C3orf18: variants seen among roughly 807,000 people sequenced by gnomAD.
C3orf18 encodes uncharacterized protein C3orf18.
C3orf18 carries 12 observed loss-of-function variants against 14.1 expected under a neutral mutation model. The ratio of observed to expected loss-of-function variants is 0.85; its 90% CI spans 0.55 to 1.38. The LOEUF (loss-of-function observed/expected upper bound fraction) is 1.38. Ranked by LOEUF, C3orf18 falls within the 40% of genes most tolerant of loss-of-function variation. C3orf18 has a pLI of 0.00. For synonymous variants in C3orf18, 82 were observed against 87.9 expected, an observed-to-expected ratio of 0.93 and a Z score of 0.38; for missense variants, 196 against 213.9, an observed-to-expected ratio of 0.92 and a Z score of 0.52.
In C3orf18 at chr3:50,562,195, C is replaced by T. The variant is rs9861750; in HGVS notation, c.235-448G>A. Among the ~76,000 whole-genome samples the T allele has an allele frequency of 2.7e-3, 414 of 152,292 alleles. 1 individual carries two copies. The highest frequency in any genetic ancestry group is 9.5e-3 in the African/African-American group (396 of 41,564). ...TTACAGGCGTGAGCCACCACACTGG[C>T]CCCATGCCTCCTTTTGACATTGTTA... On this transcript the variant is annotated intron_variant, in intron 3 of 5. Coordinates refer to ENST00000357203, the MANE Select transcript of C3orf18 (RefSeq NM_016210.5).
At position 50,565,282 on chromosome 3, in the gene C3orf18, G is replaced by A. The variant is rs1344695919; in HGVS notation, c.234+184C>T. On this transcript the variant is annotated intron_variant, in intron 3 of 5. Coordinates refer to ENST00000357203, the MANE Select transcript of C3orf18 (RefSeq NM_016210.5). This position sits in a 1 kb window ranked among gnomAD's most constrained non-coding sequence, Gnocchi z 4.4. Reference sequence around the variant, plus strand: ...CTTGGGAGGCTGAGGCAGGAGACTCGATTAAGCCCCAGAGGTGGAGGTTGC... The same window carrying A: ...CTTGGGAGGCTGAGGCAGGAGACTCAATTAAGCCCCAGAGGTGGAGGTTGC... The A allele has an allele frequency of 1.5e-5, 9 of 585,330 alleles. No individual in the cohort carries two copies. The highest frequency in any genetic ancestry group is 1.5e-4 in the East Asian group (5 of 34,226). The allele number at this position is 585,330 out of a possible 1,614,324, so 36.3% of individuals were successfully genotyped here.
upstream of C3orf18, chr3:50,571,077 A>G (rs923740316): frequency 6.5e-7 from 1 of 1,527,030 alleles, no homozygotes; most frequent in Non-Finnish European, 8.9e-7. Context: ...GGAACCTGGA[A>G]GCACTCTGGA....
At chr3:50,570,682 C>T (rs1417277379), upstream of C3orf18, 1 of 159,720 alleles carries the variant, frequency 6.3e-6, no homozygotes, top group African/African-American at 2.4e-5. Context: ...CCTGTCCCCA[C>T]ATATGTGCCC....
At chr3:50,566,783 G>A (rs540826139) in intron 1 of C3orf18, among the ~76,000 whole-genome samples, 38 of 152,336 alleles carry the variant, frequency 2.5e-4, no homozygotes, top group Non-Finnish European at 4.3e-4. Flanking sequence ...GGAGCTCCCA[G>A]TGTGGGTGCC....
chr3:50,565,571 G>T lies in C3orf18; in HGVS notation c.129C>A (p.Thr43=), dbSNP rs777293042. Residue 43 remains threonine (T), a synonymous_variant, in exon 3 of 6, where the codon ACC becomes ACA. Coordinates refer to ENST00000357203, the MANE Select transcript of C3orf18 (RefSeq NM_016210.5). This position sits in a 1 kb window ranked among gnomAD's most constrained non-coding sequence, Gnocchi z 4.4. ...CATCAGGGATTCTGGTGTCATTAAA[G>T]GTGGTGGCCTCTGGGCTGAGGGTAG... ...ETTTLSPEAT[T]FNDTRIPDAA... 1.9e-6 allele frequency: 3 copies of T among 1,614,016 alleles called. No homozygotes were observed. The highest frequency in any genetic ancestry group is 2.2e-5 in the East Asian group (1 of 44,874).
upstream of C3orf18, among the ~76,000 whole-genome samples, chr3:50,572,622 T>C (rs1339996861): frequency 1.3e-5 from 2 of 152,214 alleles, no homozygotes; most frequent in Non-Finnish European, 2.9e-5. Context: ...GTATCAGCTG[T>C]GCAACCTTGG....
chr3:50,561,608 C>A, intron 4 of C3orf18, 114 bp downstream of exon 4: 2 of 1,024,058 alleles, frequency 2.0e-6, no homozygotes, highest in Non-Finnish European at 3.0e-6. Context: ...CATGAATGGG[C>A]AGGACAGGCC....
chr3:50,561,147 C>G (rs1196946315), intron 4 of C3orf18, 83 bp from the exon 5 acceptor site: 1 of 1,449,582 alleles, frequency 6.9e-7, no homozygotes, highest in Non-Finnish European at 9.5e-7. Context: ...TCCTGACTAG[C>G]TGAGCCACAG....
At chr3:50,569,442 G>A (rs1225977047), upstream of C3orf18, 2 of 151,870 alleles carry the variant, frequency 1.3e-5, no homozygotes, top group Non-Finnish European at 2.9e-5. Context: ...GCGTCCGCCC[G>A]AGCCTTTTCT....
At chr3:50,571,133 C>T (rs772088081), upstream of C3orf18, 2 of 1,607,298 alleles carry the variant, frequency 1.2e-6, no homozygotes, top group South Asian at 1.1e-5. Flanking sequence ...ATGCTGTGGG[C>T]CCTCCTGTCT....
At chr3:50,560,886 AGGC>A in intron 5 of C3orf18, 28 bp downstream of exon 5, 1 of 1,581,426 alleles carries the variant, frequency 6.3e-7, no homozygotes, top group Non-Finnish European at 8.6e-7. Flanking sequence ...AGGATGCTGC[AGGC>A]GGGGTGGGGA....
At chr3:50,571,052 C>G (rs977980344), upstream of C3orf18, 2 of 1,406,796 alleles carry the variant, frequency 1.4e-6, no homozygotes, top group African/African-American at 2.9e-5. Context: ...CAGCTGACAT[C>G]ATAAAGCAGA....
chr3:50,562,714 G>A (rs1375055614), intron 3 of C3orf18: 4 of 357,860 alleles, frequency 1.1e-5, no homozygotes, highest in African/African-American at 4.3e-5. Context: ...ACGGCCCCCA[G>A]TGGACTAAGG....
upstream of C3orf18, chr3:50,571,299 G>A: frequency 6.2e-7 from 1 of 1,608,660 alleles, no homozygotes; most frequent in South Asian, 1.1e-5. Context: ...AATCCAGTGA[G>A]TACATCGTGG....
chr3:50,570,674 T>C (rs1323972764), upstream of C3orf18: 1 of 158,376 alleles, frequency 6.3e-6, no homozygotes, highest in Non-Finnish European at 1.4e-5. Context: ...AGATCTGTCC[T>C]GTCCCCACAT....
chr3:50,562,061 G>A (rs747828765), intron 3 of C3orf18: 11 of 560,742 alleles, frequency 2.0e-5, no homozygotes, highest in African/African-American at 3.8e-5. Flanking sequence ...CACCACACCC[G>A]GCTAATTTTT....
Position 50,565,188 on chromosome 3 carries a change from G to A in C3orf18, c.234+278C>T, listed in dbSNP as rs1251551075. Among the ~76,000 whole-genome samples, 3 of 152,050 alleles carry A rather than the reference G, an allele frequency of 2.0e-5. No homozygotes were observed. The highest frequency in any genetic ancestry group is 1.3e-4 in the Admixed American group (2 of 15,266). On this transcript the variant is annotated intron_variant, in intron 3 of 5. Transcript: ENST00000357203. The surrounding 1 kb of genome is among the most constrained non-coding windows in gnomAD (Gnocchi z 4.4). ...TCAAGACCAGCCTGGCTAACATAGCGAAACCCCATCTCTACTAAAAATACA... is the reference window on the plus strand; with the variant it reads ...TCAAGACCAGCCTGGCTAACATAGCAAAACCCCATCTCTACTAAAAATACA...
Position 50,565,818 on chromosome 3 carries a change from C to G in C3orf18, c.-119G>C. The G allele has an allele frequency of 1.5e-6, 1 of 668,794 alleles. No homozygotes were observed. The highest frequency in any genetic ancestry group is 2.7e-5 in the Admixed American group (1 of 36,700). 41.4% of individuals were successfully genotyped at this position (668,794 alleles called of 1,614,324 possible). A position where few individuals can be genotyped will look rare whatever the true frequency, so the allele number is the denominator to read the frequency against. On this transcript the variant is annotated 5_prime_UTR_variant, in exon 3 of 6. Coordinates refer to ENST00000357203, the MANE Select transcript of C3orf18 (RefSeq NM_016210.5). This position sits in a 1 kb window ranked among gnomAD's most constrained non-coding sequence, Gnocchi z 4.4. ...CTGCCACCTGTGGTGGCCACCTGCA[C>G]AGCCACCTCCTTGGATAAAGGGAGC...
In C3orf18 at chr3:50,560,933, T is replaced by C; in HGVS notation, c.392A>G (p.Gln131Arg). Residue 131 changes from glutamine to arginine, a missense_variant, in exon 5 of 6, where the codon CAG (glutamine) becomes CGG (arginine). Gln to Arg is a conservative substitution (Grantham distance 43, BLOSUM62 1). Transcript: ENST00000357203. ...AASVQAATSVQAMQGKTTLPS... is the reference protein window; with the variant it reads ...AASVQAATSVRAMQGKTTLPS... ...AGTGCCCACCTTGCCCTGCATGGCCTGCACAGAAGTAGCAGCCTGTACAGA... is the reference window on the plus strand; with the variant it reads ...AGTGCCCACCTTGCCCTGCATGGCCCGCACAGAAGTAGCAGCCTGTACAGA... 1.2e-6 allele frequency: 2 copies of C among 1,612,836 alleles called. No homozygotes were observed. The highest frequency in any genetic ancestry group is 1.3e-5 in the African/African-American group (1 of 75,048).
Sources: gnomAD v4.1 joint callset for allele counts (sites outside exome capture counted in the v4.1 genomes callset) on GRCh38, gnomAD v4.1.1 for gene constraint, Gnocchi (gnomAD v3.1) non-coding constraint, MANE v1.5 for transcripts, NCBI Gene and HGNC (gene_info 2026-07-23, HGNC 2026-07-21) for gene names.